Variants in LIMD1 observed in about 807,000 individuals in gnomAD.
LIMD1 encodes the protein LIM domain-containing protein 1.
A neutral mutation model predicts 58.4 loss-of-function variants in LIMD1; 23 were observed. The observed-to-expected ratio is 0.39, with a 90% CI of 0.28 to 0.56. The LOEUF (loss-of-function observed/expected upper bound fraction) is 0.56. Ranked by LOEUF, LIMD1 falls within the 20% of genes least tolerant of loss-of-function variation. LIMD1 has a pLI of 0.57. For synonymous variants in LIMD1, 334 were observed against 345.5 expected (o/e 0.97, Z 0.37); for missense variants, 838 against 855.5 (o/e 0.98, Z 0.25).
intron 1 of LIMD1, among the ~76,000 whole-genome samples, chr3:45,598,720 G>A (rs1701380560): frequency 6.6e-6 from 1 of 152,332 alleles, no homozygotes; most frequent in South Asian, 2.1e-4. Flanking sequence ...GAGATTTCCA[G>A]TTTTAAATTG....
rs1697536794 is a variant in LIMD1, at chr3:45,667,647, ATTAAGTTT to A, written c.1579-646_1579-639del. Among the ~76,000 whole-genome samples the A allele has an allele frequency of 2.0e-5, 3 of 151,620 alleles. No homozygotes were observed. The South Asian group carries it at 6.3e-4, about 32-fold the overall frequency. On this transcript the variant is annotated intron_variant, in intron 3 of 7. Coordinates refer to ENST00000273317, the MANE Select transcript of LIMD1 (RefSeq NM_014240.3). Reference sequence around the variant, plus strand: ...ATAAGGTAAGGTAAAGTAGATATTTATTAAGTTTCTTTGAAGCTAACTATAAAAGGCAT... The same window carrying A: ...ATAAGGTAAGGTAAAGTAGATATTTACTTTGAAGCTAACTATAAAAGGCAT...
In LIMD1 at chr3:45,621,214, C is replaced by A. The variant is rs544928835; in HGVS notation, c.1409-14936C>A. On this transcript the variant is annotated intron_variant, in intron 1 of 7. Coordinates refer to ENST00000273317, the MANE Select transcript of LIMD1 (RefSeq NM_014240.3). ...GAATTCCTCCCTTCCCCTCCCCTCC[C>A]CTCTCTTTTTTCCTTTCCTTTTCCC... is the stretch of plus-strand genomic sequence containing the variant. Among the ~76,000 whole-genome samples the A allele has an allele frequency of 2.0e-5, 3 of 152,206 alleles. No individual in the cohort carries two copies. The South Asian group carries it at 6.2e-4, about 32-fold the overall frequency.
Position 45,594,842 on chromosome 3 carries a change from C to CACACACACACACACACACACACACAG in LIMD1, c.-36_-35insACACACACACACACACACACACAGAC, listed in dbSNP as rs763277973. On this transcript the variant is annotated 5_prime_UTR_variant, in exon 1 of 8. Coordinates refer to ENST00000273317, the MANE Select transcript of LIMD1 (RefSeq NM_014240.3). ...ACACACACACACACACACACACACA[C>CACACACACACACACACACACACACAG]ACGGCACCTGGGCTAGGCCCGGACA... The CACACACACACACACACACACACACAG allele has an allele frequency of 1.5e-6, 2 of 1,364,962 alleles. No individual in the cohort carries two copies. Among genetic ancestry groups the CACACACACACACACACACACACACAG allele is most frequent in the East Asian group, 4.7e-5 (2 of 42,782 alleles). 84.6% of individuals were successfully genotyped at this position (1,364,962 alleles called of 1,614,324 possible). A position where few individuals can be genotyped will look rare whatever the true frequency, so the allele number is the denominator to read the frequency against.
intron 2 of LIMD1, among the ~76,000 whole-genome samples, chr3:45,658,633 A>T (rs2118752): frequency 1.4e-5 from 2 of 146,604 alleles, no homozygotes; most frequent in Non-Finnish European, 3.0e-5. Flanking sequence ...TCAGCTCACC[A>T]CAATCTCCAC....
chr3:45,684,789 G>GGGA lies in LIMD1; in HGVS notation c.*7733_*7735dup, dbSNP rs1697790555. On this transcript the variant is annotated 3_prime_UTR_variant, in exon 8 of 8. Coordinates refer to ENST00000273317, the MANE Select transcript of LIMD1 (RefSeq NM_014240.3). ...CCTGCACACATGGCAACAAACAGAA[G>GGGA]GGAGGCGAAATCTTCCATATTGGAT... The GGGA allele has an allele frequency of 6.6e-6, 1 of 152,202 alleles. No individual in the cohort carries two copies. Among genetic ancestry groups the GGGA allele is most frequent in the African/African-American group, 2.4e-5 (1 of 41,442 alleles). 9.4% of individuals were successfully genotyped at this position (152,202 alleles called of 1,614,324 possible). A position where few individuals can be genotyped will look rare whatever the true frequency, so the allele number is the denominator to read the frequency against.
chr3:45,660,405 C>CTTTTTTTT (rs869301368), intron 2 of LIMD1, among the ~76,000 whole-genome samples: 1 of 79,998 alleles, frequency 1.3e-5, no homozygotes, highest in African/African-American at 4.7e-5. Flanking sequence ...GGTGGGCTGT[C>CTTTTTTTT]TTTTTTTTTT....
At chr3:45,640,259 T>C (rs1006514903) in intron 2 of LIMD1, among the ~76,000 whole-genome samples, 9 of 152,196 alleles carry the variant, frequency 5.9e-5, no homozygotes, top group African/African-American at 2.2e-4. Context: ...TCTGATCACA[T>C]TGTTATCTAG....
At chr3:45,629,726 G>C (rs1335405108) in intron 1 of LIMD1, among the ~76,000 whole-genome samples, 5 of 152,150 alleles carry the variant, frequency 3.3e-5, no homozygotes, top group Non-Finnish European at 7.3e-5. Context: ...AGGATGCCAG[G>C]AGCACACCGA....
chr3:45,665,792 C>T, intron 3 of LIMD1, 75 bp downstream of exon 3: 2 of 1,291,568 alleles, frequency 1.5e-6, no homozygotes, highest in South Asian at 2.5e-5. Context: ...GGGACCTGGG[C>T]CAGCGTGTAG....
At chr3:45,596,448 T>C (rs940250535) in intron 1 of LIMD1, among the ~76,000 whole-genome samples, 161 bp downstream of exon 1, 2 of 152,172 alleles carry the variant, frequency 1.3e-5, no homozygotes, top group African/African-American at 4.8e-5. Context: ...AGCTGCTTTT[T>C]CTGATTCAGA....
chr3:45,630,481 C>T (rs767466029), intron 1 of LIMD1, among the ~76,000 whole-genome samples: 5 of 152,208 alleles, frequency 3.3e-5, no homozygotes, highest in Admixed American at 6.5e-5. Context: ...TCAGAAGGCA[C>T]GCACCTGCAG....
At chr3:45,637,470 G>A (rs186098023) in intron 2 of LIMD1, among the ~76,000 whole-genome samples, 604 of 152,142 alleles carry the variant, frequency 4.0e-3, no homozygotes, top group Non-Finnish European at 7.1e-3. Context: ...TAGTAGAGAC[G>A]GGGTTTCACC....
In LIMD1 at chr3:45,673,468, A is replaced by T; in HGVS notation, c.1787A>T (p.Lys596Met). 1 of 1,614,032 alleles carries T rather than the reference A, an allele frequency of 6.2e-7. No homozygotes were observed. Among genetic ancestry groups the T allele is most frequent in the Non-Finnish European group, 8.5e-7 (1 of 1,179,912 alleles). Residue 596 changes from lysine to methionine, a missense_variant, in exon 6 of 8, where the codon AAG (lysine) becomes ATG (methionine). Physicochemically the swap from Lys to Met is moderately conservative, Grantham distance 95. Coordinates refer to ENST00000273317, the MANE Select transcript of LIMD1 (RefSeq NM_014240.3). ...VRDYHKVLAP[K>M]CAACGLPILP... ...TCTCCCCACAGGGTGCTGGCCCCCA[A>T]GTGTGCAGCCTGTGGGCTTCCCATC... is the stretch of plus-strand genomic sequence containing the variant.
At chr3:45,647,836 A>C (rs1175288488) in intron 2 of LIMD1, among the ~76,000 whole-genome samples, 2 of 151,974 alleles carry the variant, frequency 1.3e-5, no homozygotes, top group African/African-American at 4.8e-5. Flanking sequence ...CCGCTGCCCC[A>C]CAGCCTCCCG....
At chr3:45,598,243 T>C (rs1701376482) in intron 1 of LIMD1, among the ~76,000 whole-genome samples, 1 of 152,212 alleles carries the variant, frequency 6.6e-6, no homozygotes, top group African/African-American at 2.4e-5. Flanking sequence ...TGTGAGCCAC[T>C]GTGCCCGGCC....
At chr3:45,673,142 C>T (rs866155425) in intron 5 of LIMD1, among the ~76,000 whole-genome samples, 13 of 152,162 alleles carry the variant, frequency 8.5e-5, no homozygotes, top group African/African-American at 1.9e-4. Flanking sequence ...CTTCACAAGG[C>T]CCCTATGCAG....
intron 1 of LIMD1, among the ~76,000 whole-genome samples, chr3:45,600,207 A>G (rs75849952): frequency 6.6e-6 from 1 of 152,174 alleles, no homozygotes; most frequent in African/African-American, 2.4e-5. Flanking sequence ...GAGTGACACA[A>G]CTCCCCATGA....
At chr3:45,629,842 G>C (rs563757679) in intron 1 of LIMD1, among the ~76,000 whole-genome samples, 4 of 152,202 alleles carry the variant, frequency 2.6e-5, no homozygotes, top group African/African-American at 7.2e-5. Context: ...TGAGCAGGGG[G>C]GCACTGAAGA....
At chr3:45,675,436 G>T (rs565008494) in intron 7 of LIMD1, among the ~76,000 whole-genome samples, 2 of 152,274 alleles carry the variant, frequency 1.3e-5, no homozygotes, top group East Asian at 3.9e-4. Context: ...AGCTGAGACA[G>T]GAGAATTGCT....
Sources: allele counts gnomAD v4.1 joint callset (sites outside exome capture counted in the v4.1 genomes callset), GRCh38; gene constraint gnomAD v4.1.1; transcripts MANE v1.5; gene names NCBI Gene and HGNC (gene_info 2026-07-23, HGNC 2026-07-21).